CCSER1: variants seen among roughly 807,000 people sequenced by gnomAD.
CCSER1 encodes the protein coiled-coil serine rich protein 1.
A neutral mutation model predicts 82.0 loss-of-function variants in CCSER1; 41 were observed. That is an observed-to-expected ratio of 0.50 (90% CI 0.39 to 0.65). The LOEUF (loss-of-function observed/expected upper bound fraction) is 0.65, where lower values mean the gene tolerates loss of function less well. Ranked by LOEUF, CCSER1 falls within the 30% of genes least tolerant of loss-of-function variation. The probability of loss-of-function intolerance (pLI) is 0.00; values close to 1 mark genes in which losing one functional copy is unlikely to be tolerated. For synonymous variants in CCSER1, 414 were observed against 383.9 expected (o/e 1.08, Z -0.92); for missense variants, 1,119 against 1,064.2 (o/e 1.05, Z -0.72).
chr4:90,250,156 C>A (rs147678285), intron 1 of CCSER1, among the ~76,000 whole-genome samples: 1 of 151,952 alleles, frequency 6.6e-6, no homozygotes, highest in Non-Finnish European at 1.5e-5. Context: ...CTATGGTTTG[C>A]GAATATTTTC....
chr4:91,125,242 T>A (rs1351306033), intron 10 of CCSER1, among the ~76,000 whole-genome samples: 1 of 151,716 alleles, frequency 6.6e-6, no homozygotes, highest in Non-Finnish European at 1.5e-5. Context: ...TGATAATGTA[T>A]ATATGGGGAA....
At chr4:90,443,460 T>TGGGACAGAGC (rs1760192284) in intron 4 of CCSER1, among the ~76,000 whole-genome samples, 1 of 152,140 alleles carries the variant, frequency 6.6e-6, no homozygotes, top group East Asian at 1.9e-4. Flanking sequence ...ACATCCTGGG[T>TGGGACAGAGC]GGGACAGAGC....
At chr4:90,851,599 C>T (rs1175396123) in intron 8 of CCSER1, among the ~76,000 whole-genome samples, 6 of 147,802 alleles carry the variant, frequency 4.1e-5, no homozygotes, top group East Asian at 2.0e-4. Context: ...TTTCCTGATC[C>T]GACCTTTACC....
At chr4:91,197,427 A>G (rs138736448) in intron 10 of CCSER1, among the ~76,000 whole-genome samples, 7 of 152,308 alleles carry the variant, frequency 4.6e-5, no homozygotes, top group African/African-American at 1.7e-4. Context: ...AACCTGCCCT[A>G]TATGTTAGTA....
intron 7 of CCSER1, among the ~76,000 whole-genome samples, chr4:90,806,326 T>G (rs961792971): frequency 1.3e-5 from 2 of 152,328 alleles, no homozygotes; most frequent in African/African-American, 4.8e-5. Context: ...GTGAACTCCT[T>G]CAGAAATTTT....
intron 1 of CCSER1, among the ~76,000 whole-genome samples, chr4:90,201,018 A>G (rs1737595247): frequency 1.3e-5 from 2 of 152,154 alleles, no homozygotes; most frequent in African/African-American, 4.8e-5. Context: ...AGCTTTCAAA[A>G]TAGAGTCCAT....
chr4:91,477,492 A>G (rs541061823), intron 10 of CCSER1, among the ~76,000 whole-genome samples: 96 of 151,750 alleles, frequency 6.3e-4, no homozygotes, highest in East Asian at 1.9e-3. Flanking sequence ...TTTTTTATTA[A>G]TACTTCTCTA....
intron 1 of CCSER1, among the ~76,000 whole-genome samples, chr4:90,155,410 G>A (rs540766304): frequency 0.024 from 3,593 of 152,228 alleles, 135 homozygotes; most frequent in African/African-American, 0.08. Flanking sequence ...AGTTAGGGAG[G>A]ATTCCCTCTT....
intron 10 of CCSER1, among the ~76,000 whole-genome samples, chr4:91,464,702 A>T (rs1252441460): frequency 6.6e-6 from 1 of 152,218 alleles, no homozygotes; most frequent in African/African-American, 2.4e-5. Flanking sequence ...AGGACTTGCA[A>T]TCCTAGTCCC....
intron 10 of CCSER1, among the ~76,000 whole-genome samples, chr4:91,564,884 T>C (rs1762810227): frequency 6.6e-6 from 1 of 151,878 alleles, no homozygotes; most frequent in African/African-American, 2.4e-5. Flanking sequence ...ACTTGTCAAT[T>C]TTTGCTTTTT....
chr4:91,222,442 T>C (rs1365600443), intron 10 of CCSER1, among the ~76,000 whole-genome samples: 1 of 152,182 alleles, frequency 6.6e-6, no homozygotes, highest in Non-Finnish European at 1.5e-5. Context: ...AAATACAAGA[T>C]TAGAAATTAG....
At chr4:91,473,488 G>A (rs2149446223) in intron 10 of CCSER1, among the ~76,000 whole-genome samples, 1 of 152,192 alleles carries the variant, frequency 6.6e-6, no homozygotes, top group South Asian at 2.1e-4. Context: ...GGGTGTTTTA[G>A]AAGGACCATG....
intron 6 of CCSER1, among the ~76,000 whole-genome samples, chr4:90,704,772 C>G (rs1026601109): frequency 6.6e-6 from 1 of 152,174 alleles, no homozygotes; most frequent in African/African-American, 2.4e-5. Flanking sequence ...GAATTCGCTA[C>G]TGAAGCTTGT....
At chr4:91,560,330 CTTTG>C (rs975841548) in intron 10 of CCSER1, among the ~76,000 whole-genome samples, 2 of 151,366 alleles carry the variant, frequency 1.3e-5, no homozygotes, top group Non-Finnish European at 3.0e-5. Flanking sequence ...CAAATATATA[CTTTG>C]TTTTTCCTTT....
chr4:90,447,073 T>G (rs752511123), intron 4 of CCSER1, among the ~76,000 whole-genome samples: 2 of 152,216 alleles, frequency 1.3e-5, no homozygotes, highest in Non-Finnish European at 2.9e-5. Context: ...AATTTTTGGC[T>G]GGTCAAAAGT....
At chr4:90,483,956 C>A (rs1009026647) in intron 5 of CCSER1, among the ~76,000 whole-genome samples, 2 of 152,158 alleles carry the variant, frequency 1.3e-5, no homozygotes, top group Non-Finnish European at 2.9e-5. Flanking sequence ...TGGATAATAT[C>A]CTGCAGAGTG....
At chr4:90,915,087 C>CAAGGAGGAGCTGGTACCATTCCTTCT (rs1727110243) in intron 8 of CCSER1, among the ~76,000 whole-genome samples, 1 of 152,166 alleles carries the variant, frequency 6.6e-6, no homozygotes, top group East Asian at 1.9e-4. Context: ...ACCAGAGGTA[C>CAAGGAGGAGCTGGTACCATTCCTTCT]AAGGAGGAGC....
At chr4:91,300,193 T>C (rs564938509) in intron 10 of CCSER1, among the ~76,000 whole-genome samples, 1 of 152,126 alleles carries the variant, frequency 6.6e-6, no homozygotes, top group South Asian at 2.1e-4. Flanking sequence ...GCAATATTTA[T>C]ATGATCACAT....
chr4:90,608,615 T>G (rs1276739205), intron 5 of CCSER1, among the ~76,000 whole-genome samples: 2 of 152,234 alleles, frequency 1.3e-5, no homozygotes, highest in African/African-American at 4.8e-5. Context: ...ACATTATCAT[T>G]AAGAGGTAGA....
Sources: allele counts gnomAD v4.1 joint callset (sites outside exome capture counted in the v4.1 genomes callset), GRCh38; gene constraint gnomAD v4.1.1; transcripts MANE v1.5; gene names NCBI Gene and HGNC (gene_info 2026-07-23, HGNC 2026-07-21).